Variants in GSDME observed in about 807,000 individuals in gnomAD.
GSDME encodes the protein gasdermin E, also known as gasdermin-E.
GSDME carries 44 observed loss-of-function variants against 47.5 expected under a neutral mutation model. The observed-to-expected ratio is 0.93, with a 90% CI of 0.73 to 1.19. GSDME has a LOEUF of 1.19. Ranked by LOEUF, GSDME falls within the 50% of genes most tolerant of loss-of-function variation. The pLI, the probability that GSDME is intolerant of heterozygous loss-of-function variation, is 0.00. For missense variants in GSDME, 663 were observed against 604.2 expected (o/e 1.10, Z -1.02); for synonymous variants, 258 against 252.8 (o/e 1.02, Z -0.20).
chr7:24,784,936 CACT>C, the GSDME span, among the ~76,000 whole-genome samples: 1 of 152,072 alleles, frequency 6.6e-6, no homozygotes, highest in Non-Finnish European at 1.5e-5. Flanking sequence ...TCTCCCAATC[CACT>C]GACTCAAATG....
rs1372226690 is a variant in GSDME at position 24,739,317 on chromosome 7, A to T, written c.404+5245T>A. On this transcript the variant is annotated intron_variant, in intron 3 of 9. Coordinates refer to ENST00000645220, the MANE Select transcript of GSDME (RefSeq NM_001127453.2). This position sits in a 1 kb window ranked among gnomAD's most constrained non-coding sequence, Gnocchi z 5.1. The stretch of plus-strand genomic sequence containing the variant: ...TAATCCTGTTAAAAATGGGCAAAAG[A>T]TCTAAATAGACATTTCTCAAAAGAC... Among the ~76,000 whole-genome samples, 1 of 152,190 alleles carries T rather than the reference A, an allele frequency of 6.6e-6. No homozygotes were observed. The highest frequency in any genetic ancestry group is 1.9e-4 in the East Asian group (1 of 5,206).
intron 9 of GSDME, 82 bp downstream of exon 9, chr7:24,702,678 T>C (rs1481871910): frequency 8.3e-7 from 1 of 1,202,262 alleles, no homozygotes; most frequent in Admixed American, 1.7e-5. Context: ...CCTAGAGGTG[T>C]TTTACCGGCT....
Position 24,715,973 on chromosome 7 carries a change from C to T in GSDME, c.697+1281G>A, listed in dbSNP as rs149647912. Among the ~76,000 whole-genome samples, 31 of 152,318 alleles carry T rather than the reference C, an allele frequency of 2.0e-4. No individual in the cohort carries two copies. The East Asian group carries it at 5.2e-3, about 26-fold the overall frequency. On this transcript the variant is annotated intron_variant, in intron 5 of 9. Transcript: ENST00000645220. ...CCTAGGGATCCTCAACACCCTTCAGCTTGTGGACAGCAGCACACGAGGACA... is the reference window on the plus strand; with the variant it reads ...CCTAGGGATCCTCAACACCCTTCAGTTTGTGGACAGCAGCACACGAGGACA...
chr7:24,766,917 C>A, the GSDME span, among the ~76,000 whole-genome samples: 198 of 152,106 alleles, frequency 1.3e-3, no homozygotes, highest in Middle Eastern at 3.4e-3. This position sits in a 1 kb window ranked among gnomAD's most constrained non-coding sequence, Gnocchi z 4.2. Flanking sequence ...TACACTCCCA[C>A]CAACAGTGTA....
the GSDME span, among the ~76,000 whole-genome samples, chr7:24,769,201 A>G: frequency 6.6e-6 from 1 of 152,192 alleles, no homozygotes; most frequent in African/African-American, 2.4e-5. Flanking sequence ...GAGACTCACA[A>G]CTTACCAGAG....
chr7:24,749,813 C>T lies in GSDME; in HGVS notation c.-19-20G>A. On this transcript the variant is annotated intron_variant, in intron 1 of 9. Transcript: ENST00000645220. ...GATTATCTGAAAAAGTAAAGTTATCCTAAAATCAAATAAGAAGTTACTATT... is the reference window on the plus strand; with the variant it reads ...GATTATCTGAAAAAGTAAAGTTATCTTAAAATCAAATAAGAAGTTACTATT... 2 of 1,529,780 alleles carry T rather than the reference C, an allele frequency of 1.3e-6. No individual in the cohort carries two copies. Among genetic ancestry groups the T allele is most frequent in the Non-Finnish European group, 1.8e-6 (2 of 1,106,310 alleles). The allele number at this position is 1,529,780 out of a possible 1,614,324, so 94.8% of individuals were successfully genotyped here.
intron 9 of GSDME, chr7:24,702,547 A>G: frequency 1.9e-6 from 1 of 517,874 alleles, no homozygotes; most frequent in Admixed American, 2.4e-5. Flanking sequence ...ACCTGCTAAC[A>G]AGTTATTTGG....
intron 9 of GSDME, 141 bp downstream of exon 9, chr7:24,702,619 T>C (rs1360802248): frequency 2.8e-6 from 2 of 717,236 alleles, no homozygotes; most frequent in Admixed American, 3.7e-5. Flanking sequence ...AAAAGTGGGG[T>C]TAATAACAAT....
the GSDME span, among the ~76,000 whole-genome samples, chr7:24,791,205 G>A: frequency 2.3e-5 from 3 of 132,862 alleles, no homozygotes; most frequent in Admixed American, 7.4e-5. The surrounding 1 kb of genome is among the most constrained non-coding windows in gnomAD (Gnocchi z 4.8). Context: ...CACCGTGGCT[G>A]CAAGAGGGCT....
chr7:24,774,305 C>T, the GSDME span, among the ~76,000 whole-genome samples: 1,241 of 109,418 alleles, frequency 0.011, 30 homozygotes, highest in African/African-American at 0.041. Context: ...CCCTCCCTTC[C>T]TCCCTCCCTT....
Position 24,728,614 on chromosome 7 carries a change from T to C in GSDME, c.405-9396A>G, listed in dbSNP as rs1790046599. On this transcript the variant is annotated intron_variant, in intron 3 of 9. Transcript: ENST00000645220. This position sits in a 1 kb window ranked among gnomAD's most constrained non-coding sequence, Gnocchi z 7.2. ...AGAAGGCGCTTAATGCATGCTTGAT[T>C]GTTAAAGAACTGGCAGTCTTTCTGC... Among the ~76,000 whole-genome samples the C allele has an allele frequency of 1.3e-5, 2 of 152,184 alleles. No individual in the cohort carries two copies. Among genetic ancestry groups the C allele is most frequent in the African/African-American group, 4.8e-5 (2 of 41,436 alleles).
intron 3 of GSDME, among the ~76,000 whole-genome samples, chr7:24,729,228 A>G (rs1433955596): frequency 1.3e-5 from 2 of 152,232 alleles, no homozygotes; most frequent in Non-Finnish European, 2.9e-5. Flanking sequence ...CCCTTGGAAC[A>G]TGTGTCTGTT....
At chr7:24,766,767 T>C in the GSDME span, among the ~76,000 whole-genome samples, 1 of 152,222 alleles carries the variant, frequency 6.6e-6, no homozygotes, top group Non-Finnish European at 1.5e-5. This position sits in a 1 kb window ranked among gnomAD's most constrained non-coding sequence, Gnocchi z 4.2. Flanking sequence ...TAAACATACG[T>C]GTGCATGTGT....
rs1789556084 is a variant in GSDME, at chr7:24,716,431, A to AAAAAC, written c.697+822_697+823insGTTTT. On this transcript the variant is annotated intron_variant, in intron 5 of 9. Transcript: ENST00000645220. This position sits in a 1 kb window ranked among gnomAD's most constrained non-coding sequence, Gnocchi z 4.5. ...ATGACTCATTTTTATAAATATAACT[A>AAAAAC]TAATACCATTGTCACACCTAAAAAA... The AAAAAC allele has an allele frequency of 6.6e-6, 1 of 152,362 alleles. No homozygotes were observed. The highest frequency in any genetic ancestry group is 1.5e-5 in the Non-Finnish European group (1 of 68,174). The allele number at this position is 152,362 out of a possible 1,614,324, so 9.4% of individuals were successfully genotyped here.
intron 3 of GSDME, among the ~76,000 whole-genome samples, chr7:24,741,131 C>T (rs897341902): frequency 3.9e-5 from 6 of 152,176 alleles, no homozygotes; most frequent in East Asian, 1.9e-4. Context: ...CTTACCAAGT[C>T]GACCTAAGTT....
At position 24,708,236 on chromosome 7, in the gene GSDME, C is replaced by G; in HGVS notation, c.881G>C (p.Arg294Thr). 1 of 1,614,150 alleles carries G rather than the reference C, an allele frequency of 6.2e-7. No individual in the cohort carries two copies. Residue 294 changes from arginine to threonine, a missense_variant, in exon 7 of 10, where the codon AGG becomes ACG. Transcript: ENST00000645220. ...VLKQATLLLERNFHPFAELPE... is the reference protein window; with the variant it reads ...VLKQATLLLETNFHPFAELPE... Reference sequence around the variant, plus strand: ...CAGCTCCGCAAATGGATGGAAATTCCTCTCCAGGAGCAGGGTCGCTGTGAA... The same window carrying G: ...CAGCTCCGCAAATGGATGGAAATTCGTCTCCAGGAGCAGGGTCGCTGTGAA...
chr7:24,746,425 C>G (rs866292746), intron 2 of GSDME, among the ~76,000 whole-genome samples: 1 of 152,040 alleles, frequency 6.6e-6, no homozygotes, highest in Non-Finnish European at 1.5e-5. Flanking sequence ...ATGATAGCTA[C>G]CTGACGGGTT....
rs2128058752 is a variant in GSDME, at chr7:24,732,838, AG to A, written c.404+11723del. Among the ~76,000 whole-genome samples the A allele has an allele frequency of 6.6e-6, 1 of 152,336 alleles. No individual in the cohort carries two copies. The highest frequency in any genetic ancestry group is 1.5e-5 in the Non-Finnish European group (1 of 68,036). On this transcript the variant is annotated intron_variant, in intron 3 of 9. Coordinates refer to ENST00000645220, the MANE Select transcript of GSDME (RefSeq NM_001127453.2). This position sits in a 1 kb window ranked among gnomAD's most constrained non-coding sequence, Gnocchi z 4.8. Reference sequence around the variant, plus strand: ...TCTAAATAAACTAGAAAGGCAGTCTAGGCCACAAGGACTGCAGCTCCTAGGC... The same window carrying A: ...TCTAAATAAACTAGAAAGGCAGTCTAGCCACAAGGACTGCAGCTCCTAGGC...
intron 9 of GSDME, 99 bp from the exon 10 acceptor site, chr7:24,699,358 T>C: frequency 1.2e-6 from 1 of 855,472 alleles, no homozygotes; most frequent in Non-Finnish European, 1.9e-6. Flanking sequence ...GAAAAAACTT[T>C]TTGAGATGGA....
Sources: gnomAD v4.1 joint callset for allele counts (sites outside exome capture counted in the v4.1 genomes callset) on GRCh38, gnomAD v4.1.1 for gene constraint, Gnocchi (gnomAD v3.1) non-coding constraint, MANE v1.5 for transcripts, NCBI Gene and HGNC (gene_info 2026-07-23, HGNC 2026-07-21) for gene names.